Variants in USP6NL observed in about 807,000 individuals in gnomAD.
USP6NL encodes USP6 N-terminal-like protein.
In USP6NL, 26 loss-of-function variants were observed where a neutral mutation model predicts 61.9. The observed-to-expected ratio is 0.42, with a 90% CI of 0.31 to 0.58. The LOEUF is 0.58. Ranked by LOEUF, USP6NL falls within the 20% of genes least tolerant of loss-of-function variation. The pLI is 0.16. For missense variants in USP6NL, 1,114 were observed against 1,034.3 expected (o/e 1.08, Z -1.06); for synonymous variants, 432 against 390.1 (o/e 1.11, Z -1.27).
chr10:11,557,747 G>A (rs191130396), intron 2 of USP6NL, among the ~76,000 whole-genome samples: 114 of 152,234 alleles, frequency 7.5e-4, no homozygotes, highest in African/African-American at 2.7e-3. Flanking sequence ...GTGCCACACA[G>A]GGCAGTGCAC....
chr10:11,520,282 T>C lies in USP6NL; in HGVS notation c.156-1708A>G, dbSNP rs1368617467. On this transcript the variant is annotated intron_variant, in intron 4 of 14. Coordinates refer to ENST00000609104, the MANE Select transcript of USP6NL (RefSeq NM_014688.5). This position sits in a 1 kb window ranked among gnomAD's most constrained non-coding sequence, Gnocchi z 5.2. The stretch of plus-strand genomic sequence containing the variant: ...GTCTTCAGACCTCATAGATGGATGA[T>C]AGAGTAAATATGTGGTCCAGCTTTC... Among the ~76,000 whole-genome samples, 1 of 152,192 alleles carries C rather than the reference T, an allele frequency of 6.6e-6. No individual in the cohort carries two copies. Among genetic ancestry groups the C allele is most frequent in the African/African-American group, 2.4e-5 (1 of 41,458 alleles).
chr10:11,463,531 T>G lies in USP6NL; in HGVS notation c.1397A>C (p.His466Pro), dbSNP rs375253577. 1 of 1,614,010 alleles carries G rather than the reference T, an allele frequency of 6.2e-7. No individual in the cohort carries two copies. The highest frequency in any genetic ancestry group is 1.1e-5 in the South Asian group (1 of 91,084). The part of the protein sequence containing the change: ...GPQDSSRQYN[H>P]AAANQNSNAT... Reference sequence around the variant, plus strand: ...GTTGCTATTTTGGTTGGCAGCTGCGTGATTATATTGCCTGGAACTGTCCTG... The same window carrying G: ...GTTGCTATTTTGGTTGGCAGCTGCGGGATTATATTGCCTGGAACTGTCCTG... Residue 466 changes from histidine to proline, a missense_variant, in exon 15 of 15, where the codon CAC becomes CCC. Physicochemically the swap from His to Pro is moderately conservative, Grantham distance 77. Transcript: ENST00000609104. This position sits in a 1 kb window ranked among gnomAD's most constrained non-coding sequence, Gnocchi z 6.3.
chr10:11,588,751 T>C (rs1179492623), intron 2 of USP6NL, among the ~76,000 whole-genome samples: 1 of 151,636 alleles, frequency 6.6e-6, no homozygotes, highest in Non-Finnish European at 1.5e-5. Flanking sequence ...TTATATCACA[T>C]TGTCAGGGAA....
At position 11,504,965 on chromosome 10, in the gene USP6NL, T is replaced by G. The variant is rs181453968; in HGVS notation, c.277-3757A>C. On this transcript the variant is annotated intron_variant, in intron 6 of 14. Transcript: ENST00000609104. ...GAAGCTATCAGGGAGTGGCTAGCCC[T>G]TCTACAAAAAGATACATACAATTCT... is the stretch of plus-strand genomic sequence containing the variant. Among the ~76,000 whole-genome samples the G allele has an allele frequency of 4.1e-3, 629 of 152,276 alleles. 7 individuals are homozygous for G. Among genetic ancestry groups the G allele is most frequent in the African/African-American group, 0.014 (580 of 41,558 alleles).
intron 14 of USP6NL, among the ~76,000 whole-genome samples, chr10:11,480,865 C>T (rs1222798838): frequency 6.6e-6 from 1 of 152,206 alleles, no homozygotes; most frequent in Non-Finnish European, 1.5e-5. Flanking sequence ...TTACTACACC[C>T]ATCCACTGCA....
Position 11,577,532 on chromosome 10 carries a change from G to C in USP6NL, c.4+20099C>G, listed in dbSNP as rs143659195. ...TTGTTTTGGGGGAGGACAGAGTCTC[G>C]CTCTGTCAGCCAAGCCGGAGTGCAA... is the stretch of plus-strand genomic sequence containing the variant. On this transcript the variant is annotated intron_variant, in intron 2 of 14. Transcript: ENST00000609104. Among the ~76,000 whole-genome samples the C allele has an allele frequency of 1.4e-3, 218 of 152,008 alleles. 1 individual carries two copies. The highest frequency in any genetic ancestry group is 4.7e-3 in the African/African-American group (193 of 41,432).
Position 11,485,712 on chromosome 10 carries a change from T to C in USP6NL, c.759+105A>G. ...ATAACTGCATAGTAAATGAAATGGA[T>C]GACACTATAAATTAATAAGGTAATT... On this transcript the variant is annotated intron_variant, in intron 11 of 14. Transcript: ENST00000609104. This position sits in a 1 kb window ranked among gnomAD's most constrained non-coding sequence, Gnocchi z 4.8. The C allele has an allele frequency of 1.4e-6, 1 of 721,624 alleles. No individual in the cohort carries two copies. The highest frequency in any genetic ancestry group is 2.3e-6 in the Non-Finnish European group (1 of 439,638). The allele number at this position is 721,624 out of a possible 1,614,324, so 44.7% of individuals were successfully genotyped here.
chr10:11,609,536 G>C (rs1156604476), intron 1 of USP6NL, among the ~76,000 whole-genome samples: 1 of 152,178 alleles, frequency 6.6e-6, no homozygotes, highest in Non-Finnish European at 1.5e-5. Context: ...GCTACCTCAA[G>C]TGGCAATTCC....
Position 11,476,161 on chromosome 10 carries a change from T to C in USP6NL, c.1078+5609A>G, listed in dbSNP as rs1832960434. On this transcript the variant is annotated intron_variant, in intron 14 of 14. Transcript: ENST00000609104. This position sits in a 1 kb window ranked among gnomAD's most constrained non-coding sequence, Gnocchi z 4.3. ...ACAAAATGTAGCCCTGACTAAGTGCTGGTGAGAAAAACAGCTTAACAGGCA... is the reference window on the plus strand; with the variant it reads ...ACAAAATGTAGCCCTGACTAAGTGCCGGTGAGAAAAACAGCTTAACAGGCA... Among the ~76,000 whole-genome samples, 1 of 152,180 alleles carries C rather than the reference T, an allele frequency of 6.6e-6. No homozygotes were observed. Among genetic ancestry groups the C allele is most frequent in the Non-Finnish European group, 1.5e-5 (1 of 68,034 alleles).
In USP6NL at chr10:11,600,972, A is replaced by G. The variant is rs1014243054; in HGVS notation, c.-83-3255T>C. Among the ~76,000 whole-genome samples the G allele has an allele frequency of 2.0e-5, 3 of 147,710 alleles. No individual in the cohort carries two copies. The highest frequency in any genetic ancestry group is 5.0e-5 in the African/African-American group (2 of 40,284). On this transcript the variant is annotated intron_variant, in intron 1 of 14. Coordinates refer to ENST00000609104, the MANE Select transcript of USP6NL (RefSeq NM_014688.5). The surrounding 1 kb of genome is among the most constrained non-coding windows in gnomAD (Gnocchi z 4.1). ...AACAGAGCAAGACTCTATCTCAAAG[A>G]AAAAAAAAAAGCTTATCAGGCAAAC...
intron 6 of USP6NL, among the ~76,000 whole-genome samples, chr10:11,504,485 T>C (rs983781801): frequency 3.3e-5 from 5 of 152,326 alleles, no homozygotes; most frequent in Non-Finnish European, 7.4e-5. Context: ...GTATCTGCCC[T>C]AGGTCAAAAA....
At position 11,611,513 on chromosome 10, in the gene USP6NL, C is replaced by CCGGCG. The variant is rs563848900; in HGVS notation, c.-159_-155dup. 168 of 160,702 alleles carry CCGGCG rather than the reference C, an allele frequency of 1.0e-3. No homozygotes were observed. Among genetic ancestry groups the CCGGCG allele is most frequent in the South Asian group, 2.6e-3 (15 of 5,786 alleles). 10.0% of individuals were successfully genotyped at this position (160,702 alleles called of 1,614,324 possible). On this transcript the variant is annotated 5_prime_UTR_variant, in exon 1 of 15. Transcript: ENST00000609104. This position sits in a 1 kb window ranked among gnomAD's most constrained non-coding sequence, Gnocchi z 5.3. The stretch of plus-strand genomic sequence containing the variant: ...GGCGGTCCCGGGCGGCCGAGCAGAT[C>CCGGCG]CGGCGCGGCGCGGCGCGGCGGCGGC...
intron 2 of USP6NL, among the ~76,000 whole-genome samples, chr10:11,546,636 T>C (rs1051359611): frequency 1.4e-4 from 21 of 152,158 alleles, no homozygotes; most frequent in African/African-American, 4.8e-4. Flanking sequence ...CAGACTGGTC[T>C]CAAACGCCTG....
chr10:11,548,541 C>A lies in USP6NL; in HGVS notation c.5-20974G>T, dbSNP rs1044579988. Among the ~76,000 whole-genome samples, 1 of 152,162 alleles carries A rather than the reference C, an allele frequency of 6.6e-6. No individual in the cohort carries two copies. Among genetic ancestry groups the A allele is most frequent in the African/African-American group, 2.4e-5 (1 of 41,432 alleles). On this transcript the variant is annotated intron_variant, in intron 2 of 14. Transcript: ENST00000609104. This position sits in a 1 kb window ranked among gnomAD's most constrained non-coding sequence, Gnocchi z 4.3. ...TGTAAATCTTAATTTCATAACCTTA[C>A]TTTAGCTATCTCTATCAACTTTGTA...
intron 2 of USP6NL, among the ~76,000 whole-genome samples, chr10:11,573,185 T>C (rs1837423145): frequency 6.6e-6 from 1 of 152,202 alleles, no homozygotes; most frequent in Non-Finnish European, 1.5e-5. Context: ...AAAAATCATC[T>C]AGTTCTTATG....
At chr10:11,466,423 G>C (rs1591811945) in intron 14 of USP6NL, among the ~76,000 whole-genome samples, 1 of 152,220 alleles carries the variant, frequency 6.6e-6, no homozygotes, top group African/African-American at 2.4e-5. Context: ...GGAACAGCAG[G>C]GTCAACAGGA....
At chr10:11,523,842 A>T (rs1328078758) in intron 4 of USP6NL, among the ~76,000 whole-genome samples, 2 of 152,232 alleles carry the variant, frequency 1.3e-5, no homozygotes, top group African/African-American at 4.8e-5. Flanking sequence ...GGAAGGTCAA[A>T]ATCAGCTGAG....
At position 11,478,171 on chromosome 10, in the gene USP6NL, T is replaced by C. The variant is rs910652070; in HGVS notation, c.1078+3599A>G. On this transcript the variant is annotated intron_variant, in intron 14 of 14. Coordinates refer to ENST00000609104, the MANE Select transcript of USP6NL (RefSeq NM_014688.5). This position sits in a 1 kb window ranked among gnomAD's most constrained non-coding sequence, Gnocchi z 6.8. ...CAATAAAAGATACAACTATCCCCCA[T>C]AGGACGTGGCACCCCTGCTTTGACT... 4.6e-5 allele frequency among the ~76,000 whole-genome samples: 7 copies of C among 152,218 alleles called. No individual in the cohort carries two copies. Among genetic ancestry groups the C allele is most frequent in the Non-Finnish European group, 8.8e-5 (6 of 68,026 alleles).
intron 2 of USP6NL, among the ~76,000 whole-genome samples, chr10:11,538,883 G>A (rs1835938259): frequency 6.6e-6 from 1 of 151,674 alleles, no homozygotes; most frequent in Non-Finnish European, 1.5e-5. Flanking sequence ...TGCTGTGTTT[G>A]TGCTCCAACC....
Sources: gnomAD v4.1 joint callset for allele counts (sites outside exome capture counted in the v4.1 genomes callset) on GRCh38, gnomAD v4.1.1 for gene constraint, Gnocchi (gnomAD v3.1) non-coding constraint, MANE v1.5 for transcripts, NCBI Gene and HGNC (gene_info 2026-07-23, HGNC 2026-07-21) for gene names.